Variants in CIMAP3 observed in about 807,000 individuals in gnomAD.
The protein encoded by CIMAP3 is ciliary microtubule associated protein 3, also known as ciliary microtubule-associated protein 3.
chr1:111,340,280 C>A, the CIMAP3 span, among the ~76,000 whole-genome samples: 1 of 151,450 alleles, frequency 6.6e-6, no homozygotes, highest in Non-Finnish European at 1.5e-5. Flanking sequence ...CATTACCATT[C>A]AGGACATAGG....
At chr1:111,330,415 C>G in the CIMAP3 span, among the ~76,000 whole-genome samples, 5 of 152,136 alleles carry the variant, frequency 3.3e-5, no homozygotes, top group Non-Finnish European at 7.4e-5. Flanking sequence ...TTATTTGAAG[C>G]TGACTTCTTG....
the CIMAP3 span, among the ~76,000 whole-genome samples, chr1:111,345,936 C>T: frequency 3.9e-5 from 6 of 152,180 alleles, no homozygotes; most frequent in African/African-American, 1.4e-4. Context: ...ATCCTCTCAA[C>T]AATCCTATAT....
chr1:111,345,282 T>A, the CIMAP3 span, among the ~76,000 whole-genome samples: 3 of 152,244 alleles, frequency 2.0e-5, no homozygotes, highest in Non-Finnish European at 4.4e-5. Context: ...TTTCAGACCC[T>A]ATCTTTATTC....
chr1:111,324,706 T>G, the CIMAP3 span: 3 of 985,252 alleles, frequency 3.0e-6, no homozygotes, highest in Non-Finnish European at 3.6e-6. Context: ...CATGTGAGAG[T>G]GGCAACTCAT....
chr1:111,334,429 C>A, the CIMAP3 span, among the ~76,000 whole-genome samples: 5 of 151,966 alleles, frequency 3.3e-5, no homozygotes, highest in African/African-American at 1.2e-4. Flanking sequence ...CCAATAAAAA[C>A]CAAACAAGCC....
chr1:111,347,911 A>G, the CIMAP3 span: 1 of 621,450 alleles, frequency 1.6e-6, no homozygotes. Context: ...AGCAAAAGCT[A>G]TTAAGAAGCC....
chr1:111,328,751 G>A, the CIMAP3 span, among the ~76,000 whole-genome samples: 1 of 152,104 alleles, frequency 6.6e-6, no homozygotes, highest in African/African-American at 2.4e-5. Flanking sequence ...CATTACTTGT[G>A]AGATAAGTCT....
chr1:111,336,082 G>A, the CIMAP3 span, among the ~76,000 whole-genome samples: 1 of 152,220 alleles, frequency 6.6e-6, no homozygotes, highest in Non-Finnish European at 1.5e-5. Context: ...CTGATACCTA[G>A]GCAAACAGGG....
the CIMAP3 span, among the ~76,000 whole-genome samples, chr1:111,347,206 A>C: frequency 6.6e-6 from 1 of 152,230 alleles, no homozygotes; most frequent in Non-Finnish European, 1.5e-5. Context: ...CAGCTGTTTC[A>C]GCCAATGCCA....
chr1:111,335,456 G>A, the CIMAP3 span, among the ~76,000 whole-genome samples: 1 of 152,176 alleles, frequency 6.6e-6, no homozygotes, highest in African/African-American at 2.4e-5. Flanking sequence ...TCATAGAAAG[G>A]GGTGAAAGAT....
the CIMAP3 span, among the ~76,000 whole-genome samples, chr1:111,336,210 T>C: frequency 6.6e-6 from 1 of 151,924 alleles, no homozygotes; most frequent in African/African-American, 2.4e-5. Context: ...CACATCACCA[T>C]CATCAAAGAA....
the CIMAP3 span, among the ~76,000 whole-genome samples, chr1:111,334,186 G>A: frequency 0.3 from 46,102 of 152,004 alleles, 7,658 homozygotes; most frequent in South Asian, 0.42. Flanking sequence ...GCTGAGAACA[G>A]GTAGAAAAGG....
the CIMAP3 span, chr1:111,349,937 A>T: frequency 1.8e-6 from 1 of 563,980 alleles, no homozygotes; most frequent in South Asian, 2.5e-5. Flanking sequence ...CTAACATCTA[A>T]CTCGAAATAC....
the CIMAP3 span, among the ~76,000 whole-genome samples, chr1:111,326,547 G>C: frequency 6.6e-5 from 10 of 151,992 alleles, no homozygotes; most frequent in Non-Finnish European, 1.2e-4. Flanking sequence ...CCATTCATCT[G>C]TTTGTTTTAT....
the CIMAP3 span, chr1:111,352,856 G>A: frequency 6.6e-6 from 1 of 152,074 alleles, no homozygotes; most frequent in South Asian, 2.1e-4. Context: ...ACACTGTTTG[G>A]TACAGAGACG....
chr1:111,340,302 A>G, the CIMAP3 span, among the ~76,000 whole-genome samples: 1 of 150,448 alleles, frequency 6.6e-6, no homozygotes, highest in Non-Finnish European at 1.5e-5. Context: ...ATGGGCAAGG[A>G]CTTCATGTCT....
At chr1:111,327,389 C>T in the CIMAP3 span, among the ~76,000 whole-genome samples, 3 of 151,976 alleles carry the variant, frequency 2.0e-5, no homozygotes, top group Non-Finnish European at 4.4e-5. Flanking sequence ...GGGGAGGAGT[C>T]CCTCCTCCTC....
the CIMAP3 span, among the ~76,000 whole-genome samples, chr1:111,342,152 G>A: frequency 4.6e-5 from 7 of 152,142 alleles, no homozygotes; most frequent in African/African-American, 1.7e-4. Flanking sequence ...AGAAAGAGAC[G>A]ATCCTAAAAG....
the CIMAP3 span, chr1:111,347,621 TC>T: frequency 0.045 from 43,339 of 957,000 alleles, 899 homozygotes; most frequent in South Asian, 0.066. Context: ...GTTTTTTCTT[TC>T]TTTTTTTTTT....
Sources: allele counts gnomAD v4.1 joint callset (sites outside exome capture counted in the v4.1 genomes callset), GRCh38; gene constraint gnomAD v4.1.1; transcripts MANE v1.5; gene names NCBI Gene and HGNC (gene_info 2026-07-23, HGNC 2026-07-21).